Variants in CSTA observed in about 807,000 individuals in gnomAD.
The protein encoded by CSTA is cystatin-A.
In CSTA, 9 loss-of-function variants were observed where a neutral mutation model predicts 9.2. The observed-to-expected ratio is 0.97, with a 90% CI of 0.59 to 1.70. CSTA has a LOEUF of 1.70. CSTA is among the 40% of genes most tolerant of loss of function. The pLI is 0.00. For synonymous variants in CSTA, 36 were observed against 40.6 expected, an observed-to-expected ratio of 0.89 and a Z score of 0.43; for missense variants, 118 against 113.1, an observed-to-expected ratio of 1.04 and a Z score of -0.20.
intron 2 of CSTA, 74 bp from the exon 3 acceptor site, chr3:122,341,365 T>C: frequency 6.6e-7 from 1 of 1,520,654 alleles, no homozygotes; most frequent in South Asian, 1.1e-5. Flanking sequence ...TTTGTAGACC[T>C]GTGGCTCTCT....
chr3:122,333,598 G>GA lies in CSTA; in HGVS notation c.67-3948dup, dbSNP rs1318110727. Among the ~76,000 whole-genome samples the GA allele has an allele frequency of 5.6e-5, 7 of 124,550 alleles. No individual in the cohort carries two copies. The East Asian group carries it at 1.4e-3, about 25-fold the overall frequency. 81.7% of individuals were successfully genotyped at this position (124,550 alleles called of 152,430 possible). The stretch of plus-strand genomic sequence containing the variant: ...AAGAAAGAAAGAAAGAAAGAAGAAA[G>GA]AGAGAGAGAGGAAGGAAGGAAAAGG... On this transcript the variant is annotated intron_variant, in intron 1 of 2. Transcript: ENST00000264474.
chr3:122,332,739 A>G (rs2107666504), intron 1 of CSTA, among the ~76,000 whole-genome samples: 1 of 152,206 alleles, frequency 6.6e-6, no homozygotes, highest in Middle Eastern at 3.4e-3. Context: ...GTATTCCTTG[A>G]GCTCCCGTCA....
intron 2 of CSTA, among the ~76,000 whole-genome samples, chr3:122,339,856 C>G (rs146775614): frequency 6.6e-6 from 1 of 152,062 alleles, no homozygotes; most frequent in East Asian, 1.9e-4. Context: ...TCAGTACCCC[C>G]CAAAAATGTT....
At chr3:122,327,187 A>G (rs1423852877) in intron 1 of CSTA, among the ~76,000 whole-genome samples, 1 of 151,238 alleles carries the variant, frequency 6.6e-6, no homozygotes, top group African/African-American at 2.4e-5. Flanking sequence ...GCAGTGAGCC[A>G]AGATAGTGCC....
At chr3:122,333,676 AAAG>A (rs1393693539) in intron 1 of CSTA, among the ~76,000 whole-genome samples, 7 of 147,266 alleles carry the variant, frequency 4.8e-5, no homozygotes, top group South Asian at 4.5e-4. Flanking sequence ...AGGAAGAAAG[AAAG>A]AAGAAAGAAA....
At chr3:122,325,522 G>A (rs975484043) in intron 1 of CSTA, among the ~76,000 whole-genome samples, 164 bp downstream of exon 1, 12 of 152,216 alleles carry the variant, frequency 7.9e-5, no homozygotes, top group African/African-American at 2.9e-4. Flanking sequence ...TTCAGATGAA[G>A]CCTCAAATAA....
At chr3:122,329,059 G>A (rs1222993425) in intron 1 of CSTA, among the ~76,000 whole-genome samples, 6 of 150,992 alleles carry the variant, frequency 4.0e-5, no homozygotes, top group Admixed American at 2.6e-4. Context: ...TCCGCCTCCC[G>A]GGTTCACGCC....
chr3:122,332,520 T>G (rs1307442915), intron 1 of CSTA, among the ~76,000 whole-genome samples: 1 of 152,238 alleles, frequency 6.6e-6, no homozygotes, highest in Non-Finnish European at 1.5e-5. Context: ...CTATTGTTTC[T>G]GTAGAATGAC....
At chr3:122,339,778 C>T (rs960753886) in intron 2 of CSTA, among the ~76,000 whole-genome samples, 1 of 152,110 alleles carries the variant, frequency 6.6e-6, no homozygotes, top group East Asian at 1.9e-4. Context: ...TCACTTGAGC[C>T]GAGGAGTTTG....
chr3:122,328,077 G>A (rs1338882904), intron 1 of CSTA, among the ~76,000 whole-genome samples: 2 of 152,148 alleles, frequency 1.3e-5, no homozygotes, highest in African/African-American at 4.8e-5. Context: ...CCCCAGAAAG[G>A]GGTTTTGCAG....
chr3:122,333,588 A>AAAGAAAGG (rs2075218522), intron 1 of CSTA, among the ~76,000 whole-genome samples: 1 of 145,694 alleles, frequency 6.9e-6, no homozygotes, highest in Non-Finnish European at 1.5e-5. Flanking sequence ...AGAAAGAAAG[A>AAAGAAAGG]AAGAAGAAAG....
At chr3:122,328,871 G>A (rs1223253441) in intron 1 of CSTA, among the ~76,000 whole-genome samples, 1 of 151,766 alleles carries the variant, frequency 6.6e-6, no homozygotes, top group Non-Finnish European at 1.5e-5. Context: ...AGCTCAGGAG[G>A]TGGAGGTTGG....
rs779978441 is a variant in CSTA at position 122,341,510 on chromosome 3, G to A, written c.240G>A (p.Leu80=). Residue 80 remains leucine (L), a synonymous_variant, in exon 3 of 3, where the codon TTG becomes TTA. Transcript: ENST00000264474. ...GTCTTCCCGGACAAAATGAGGACTT[G>A]GTACTTACTGGATACCAGGTTGACA... ...FKSLPGQNED[L]VLTGYQVDKN... The A allele has an allele frequency of 6.2e-7, 1 of 1,614,066 alleles. No homozygotes were observed. The highest frequency in any genetic ancestry group is 8.5e-7 in the Non-Finnish European group (1 of 1,179,952).
chr3:122,338,417 A>G (rs1483253625), intron 2 of CSTA: 1 of 151,912 alleles, frequency 6.6e-6, no homozygotes, highest in Non-Finnish European at 1.5e-5. Flanking sequence ...TTACTTCACT[A>G]TTTGACCAGG....
intron 1 of CSTA, among the ~76,000 whole-genome samples, chr3:122,335,582 T>G (rs1488010918): frequency 6.6e-6 from 1 of 152,116 alleles, no homozygotes; most frequent in Non-Finnish European, 1.5e-5. Context: ...AGGGAAAAGC[T>G]AAATGAGTCC....
chr3:122,332,897 C>T (rs1345172216), intron 1 of CSTA, among the ~76,000 whole-genome samples: 1 of 152,224 alleles, frequency 6.6e-6, no homozygotes, highest in East Asian at 1.9e-4. Flanking sequence ...ACCAAGCTAC[C>T]TTCTGAGACT....
chr3:122,339,579 G>A (rs2075254216), intron 2 of CSTA, among the ~76,000 whole-genome samples: 2 of 152,218 alleles, frequency 1.3e-5, no homozygotes, highest in African/African-American at 4.8e-5. Flanking sequence ...CTGGCCTGGT[G>A]TGGTGGCTTA....
chr3:122,337,710 C>A, intron 2 of CSTA, 62 bp downstream of exon 2: 1 of 1,044,518 alleles, frequency 9.6e-7, no homozygotes, highest in Non-Finnish European at 1.5e-6. Context: ...GTAAAATATT[C>A]CCTGATTTCC....
intron 1 of CSTA, among the ~76,000 whole-genome samples, chr3:122,325,630 G>T (rs755530911): frequency 2.0e-5 from 3 of 152,116 alleles, no homozygotes; most frequent in Non-Finnish European, 2.9e-5. Context: ...CTTCTCTAAA[G>T]CTCTTACAAG....
Sources: allele counts gnomAD v4.1 joint callset (sites outside exome capture counted in the v4.1 genomes callset), GRCh38; gene constraint gnomAD v4.1.1; transcripts MANE v1.5; gene names NCBI Gene and HGNC (gene_info 2026-07-23, HGNC 2026-07-21).